KCNJ5: variants seen among roughly 807,000 people sequenced by gnomAD.
The protein encoded by KCNJ5 is G protein-activated inward rectifier potassium channel 4.
In KCNJ5, 12 loss-of-function variants were observed where a neutral mutation model predicts 20.2. The ratio of observed to expected loss-of-function variants is 0.59; its 90% CI spans 0.38 to 0.96. The LOEUF is 0.96. Among genes scored for constraint, KCNJ5 ranks in the 40% least tolerant of loss-of-function variants. KCNJ5 has a pLI of 0.00. For synonymous variants in KCNJ5, 210 were observed against 213.9 expected, an observed-to-expected ratio of 0.98 and a Z score of 0.16; for missense variants, 449 against 557.6, an observed-to-expected ratio of 0.81 and a Z score of 1.96.
chr11:128,917,590 GTGTTT>G lies in KCNJ5; in HGVS notation c.*901_*905del, dbSNP rs36205004. 0.14 allele frequency: 20,227 copies of G among 149,376 alleles called. 2,241 individuals are homozygous for G. The highest frequency in any genetic ancestry group is 0.43 in the East Asian group (2,132 of 4,998). The allele number at this position is 149,376 out of a possible 1,614,324, so 9.3% of individuals were successfully genotyped here. A position where few individuals can be genotyped will look rare whatever the true frequency, so the allele number is the denominator to read the frequency against. On this transcript the variant is annotated 3_prime_UTR_variant, in exon 3 of 3. Transcript: ENST00000529694. ...GCTTCTAATCATCACAGTAGTTTTT[GTGTTT>G]TGTTTTGTTTTGTTTTGTTTTGTTT... is the stretch of plus-strand genomic sequence containing the variant.
intron 1 of KCNJ5, among the ~76,000 whole-genome samples, chr11:128,905,075 C>T (rs1944375462): frequency 1.3e-5 from 2 of 152,248 alleles, no homozygotes; most frequent in South Asian, 4.1e-4. Context: ...GGACTGGCCC[C>T]TGGGAGGATC....
Position 128,911,995 on chromosome 11 carries a change from C to T in KCNJ5, c.722C>T (p.Ser241Phe). The T allele has an allele frequency of 6.2e-7, 1 of 1,607,790 alleles. No homozygotes were observed. The highest frequency in any genetic ancestry group is 8.5e-7 in the Non-Finnish European group (1 of 1,175,578). ...TCCATCCGGGCCAAGCTCATCAAGTCCCGGCAGACCAAAGAGGGGGAGTTC... is the reference window on the plus strand; with the variant it reads ...TCCATCCGGGCCAAGCTCATCAAGTTCCGGCAGACCAAAGAGGGGGAGTTC... The part of the protein sequence containing the change: ...EASIRAKLIK[S>F]RQTKEGEFIP... The change falls in exon 2 of 3, where the codon TCC becomes TTC. Residue 241 changes from serine (S) to phenylalanine (F), a missense_variant. Physicochemically the swap from Ser to Phe is radical, Grantham distance 155. Around this residue, in one of 5 missense-constraint regions of KCNJ5, gnomAD observed 145 missense variants for 166.2 expected, o/e 0.87. Transcript: ENST00000529694. The surrounding 1 kb of genome is among the most constrained non-coding windows in gnomAD (Gnocchi z 6.3).
rs193133402 is a variant in KCNJ5 at position 128,904,936 on chromosome 11, T to C, written c.-10-6328T>C. 2.8e-4 allele frequency among the ~76,000 whole-genome samples: 42 copies of C among 152,366 alleles called. No individual in the cohort carries two copies. In the East Asian group the frequency reaches 7.3e-3, roughly 27 times the overall value. On this transcript the variant is annotated intron_variant, in intron 1 of 2. Coordinates refer to ENST00000529694, the MANE Select transcript of KCNJ5 (RefSeq NM_000890.5). ...AATAGCTGCAAAATGGTGCGGTTTTTAAATGAAATACCTGACGGGTTTTTA... is the reference window on the plus strand; with the variant it reads ...AATAGCTGCAAAATGGTGCGGTTTTCAAATGAAATACCTGACGGGTTTTTA...
At chr11:128,896,045 G>T (rs1944171989) in intron 1 of KCNJ5, among the ~76,000 whole-genome samples, 1 of 152,134 alleles carries the variant, frequency 6.6e-6, no homozygotes, top group African/African-American at 2.4e-5. Flanking sequence ...CTCACGCTTG[G>T]TCACATTTTA....
At chr11:128,903,902 C>G (rs551358098) in intron 1 of KCNJ5, among the ~76,000 whole-genome samples, 1 of 152,166 alleles carries the variant, frequency 6.6e-6, no homozygotes, top group African/African-American at 2.4e-5. Context: ...GGTGCTCCCC[C>G]CGGGACTCAG....
At chr11:128,899,711 C>A (rs1366037479) in intron 1 of KCNJ5, 1 of 152,174 alleles carries the variant, frequency 6.6e-6, no homozygotes, top group Admixed American at 6.5e-5. Context: ...AAGTACCAGA[C>A]AGACAGAAAC....
intron 2 of KCNJ5, among the ~76,000 whole-genome samples, chr11:128,912,813 T>C (rs1192848618): frequency 6.6e-6 from 1 of 152,166 alleles, no homozygotes; most frequent in Non-Finnish European, 1.5e-5. Flanking sequence ...CCAGCCAAGA[T>C]AGTTTTTATT....
intron 1 of KCNJ5, chr11:128,904,588 C>T (rs1944362822): frequency 2.2e-6 from 2 of 894,216 alleles, no homozygotes; most frequent in Admixed American, 3.4e-5. Context: ...CTTAGCAAAA[C>T]CGCGGACTCT....
intron 1 of KCNJ5, chr11:128,901,430 A>C (rs1263879651): frequency 6.6e-6 from 1 of 152,410 alleles, no homozygotes; most frequent in Non-Finnish European, 1.5e-5. Flanking sequence ...TTCTGCAAAG[A>C]AAAACCAAAA....
At chr11:128,905,302 GC>G (rs1419009980) in intron 1 of KCNJ5, among the ~76,000 whole-genome samples, 1 of 152,142 alleles carries the variant, frequency 6.6e-6, no homozygotes, top group African/African-American at 2.4e-5. Flanking sequence ...CTCCTCCGCA[GC>G]CGCAGAGCTG....
At chr11:128,903,223 G>A (rs2135989891) in intron 1 of KCNJ5, 1 of 1,044,676 alleles carries the variant, frequency 9.6e-7, no homozygotes, top group African/African-American at 1.6e-5. Flanking sequence ...CATTTTAAAT[G>A]TTTCTCTACA....
intron 1 of KCNJ5, chr11:128,904,542 C>T (rs751711386): frequency 2.4e-6 from 3 of 1,276,200 alleles, no homozygotes; most frequent in Middle Eastern, 1.9e-4. Context: ...CTCAGGTGTG[C>T]ACTGAGGACC....
At chr11:128,893,199 A>T (rs935322251) in intron 1 of KCNJ5, among the ~76,000 whole-genome samples, 1 of 152,182 alleles carries the variant, frequency 6.6e-6, no homozygotes, top group South Asian at 2.1e-4. Flanking sequence ...TGGTATTTTA[A>T]ACTATCTATG....
chr11:128,894,801 C>T (rs1354013093), intron 1 of KCNJ5, among the ~76,000 whole-genome samples: 2 of 152,224 alleles, frequency 1.3e-5, no homozygotes, highest in African/African-American at 4.8e-5. Flanking sequence ...TCTAGTTCCT[C>T]CTACCTTGAC....
At position 128,912,046 on chromosome 11, in the gene KCNJ5, A is replaced by G; in HGVS notation, c.773A>G (p.Asn258Ser). The G allele has an allele frequency of 6.2e-7, 1 of 1,613,956 alleles. No individual in the cohort carries two copies. Among genetic ancestry groups the G allele is most frequent in the Non-Finnish European group, 8.5e-7 (1 of 1,179,956 alleles). The part of the protein sequence containing the change: ...EFIPLNQTDI[N>S]VGFDTGDDRL... ...ATCCCCCTGAACCAGACAGACATCAACGTGGGCTTTGACACGGGCGACGAC... is the reference window on the plus strand; with the variant it reads ...ATCCCCCTGAACCAGACAGACATCAGCGTGGGCTTTGACACGGGCGACGAC... Residue 258 changes from asparagine (N) to serine (S), a missense_variant, in exon 2 of 3, where the codon AAC becomes AGC. Coordinates refer to ENST00000529694, the MANE Select transcript of KCNJ5 (RefSeq NM_000890.5).
intron 1 of KCNJ5, among the ~76,000 whole-genome samples, chr11:128,896,244 C>G: frequency 6.6e-6 from 1 of 152,168 alleles, no homozygotes. Flanking sequence ...ATTTTGAGAT[C>G]ATTATAGATT....
At chr11:128,891,851 G>C (rs995843505) in intron 1 of KCNJ5, 130 bp downstream of exon 1, 5 of 152,294 alleles carry the variant, frequency 3.3e-5, no homozygotes, top group Admixed American at 1.3e-4. Flanking sequence ...TGGGAGCCAG[G>C]GGGGATAAGG....
At position 128,912,312 on chromosome 11, in the gene KCNJ5, G is replaced by A. The variant is rs1353487737; in HGVS notation, c.937+102G>A. 4.5e-5 allele frequency: 42 copies of A among 935,400 alleles called. 1 individual carries two copies. In the South Asian group the frequency reaches 5.2e-4, roughly 12 times the overall value. The allele number at this position is 935,400 out of a possible 1,614,324, so 57.9% of individuals were successfully genotyped here. The stretch of plus-strand genomic sequence containing the variant: ...TGCAGGTCTGTGCCTGAGAGTCCTG[G>A]GGTGGCGCAGGCAACACATTCAATC... On this transcript the variant is annotated intron_variant, in intron 2 of 2. Transcript: ENST00000529694.
intron 2 of KCNJ5, 142 bp from the exon 3 acceptor site, chr11:128,916,267 T>C: frequency 1.4e-6 from 1 of 695,908 alleles, no homozygotes. Flanking sequence ...GATGGATGGA[T>C]GGATGGATGG....
Sources: gnomAD v4.1 joint callset for allele counts (sites outside exome capture counted in the v4.1 genomes callset) on GRCh38, gnomAD v4.1.1 for gene constraint, gnomAD v4.1.1 regional missense constraint, Gnocchi (gnomAD v3.1) non-coding constraint, MANE v1.5 for transcripts, NCBI Gene and HGNC (gene_info 2026-07-23, HGNC 2026-07-21) for gene names.